ADAMTS14: variants seen among roughly 807,000 people sequenced by gnomAD.
ADAMTS14 encodes ADAM metallopeptidase with thrombospondin type 1 motif 14.
Under a neutral mutation model 128.6 loss-of-function variants are expected in ADAMTS14, and 100 were observed. The observed-to-expected ratio is 0.78, with a 90% CI of 0.66 to 0.92. The LOEUF (loss-of-function observed/expected upper bound fraction) is 0.92, where lower values mean the gene tolerates loss of function less well. ADAMTS14 is among the 40% of genes least tolerant of loss of function. ADAMTS14 has a pLI of 0.00. For synonymous variants in ADAMTS14, 665 were observed against 653.8 expected (o/e 1.02, Z -0.26); for missense variants, 1,562 against 1,658.6 (o/e 0.94, Z 1.01).
intron 12 of ADAMTS14, 128 bp from the exon 13 acceptor site, chr10:70,743,420 C>A: frequency 8.6e-7 from 1 of 1,160,148 alleles, no homozygotes. Flanking sequence ...GCCCCCGTGC[C>A]ACACCCAGTG....
chr10:70,724,561 G>A (rs549775698), intron 4 of ADAMTS14, among the ~76,000 whole-genome samples: 4 of 152,306 alleles, frequency 2.6e-5, no homozygotes, highest in Admixed American at 2.6e-4. Flanking sequence ...TGAGGTCCTG[G>A]CCATGGTGCC....
intron 3 of ADAMTS14, among the ~76,000 whole-genome samples, chr10:70,703,951 G>C (rs1015042211): frequency 6.6e-6 from 1 of 152,236 alleles, no homozygotes; most frequent in African/African-American, 2.4e-5. Context: ...TGTACTTTTA[G>C]TTGAAGGCCA....
chr10:70,680,130 G>A (rs113338069), intron 2 of ADAMTS14, among the ~76,000 whole-genome samples: 27,599 of 152,186 alleles, frequency 0.18, 2,897 homozygotes, highest in Middle Eastern at 0.24. Flanking sequence ...GGCTGGGCGC[G>A]GTGGCTCATG....
chr10:70,680,191 G>T (rs12253621), intron 2 of ADAMTS14, among the ~76,000 whole-genome samples: 1 of 151,882 alleles, frequency 6.6e-6, no homozygotes. Flanking sequence ...CACCTGAGGT[G>T]GGGAGTTTGA....
At chr10:70,716,788 A>T (rs1394256913) in intron 4 of ADAMTS14, among the ~76,000 whole-genome samples, 1 of 151,930 alleles carries the variant, frequency 6.6e-6, no homozygotes, top group Non-Finnish European at 1.5e-5. Context: ...CCCAGGGAGG[A>T]GGGGGCAGAA....
chr10:70,682,283 G>A (rs1839834665), intron 2 of ADAMTS14, among the ~76,000 whole-genome samples: 1 of 152,228 alleles, frequency 6.6e-6, no homozygotes, highest in Non-Finnish European at 1.5e-5. Context: ...GCCCACTCCA[G>A]TGTCACTCTG....
At chr10:70,678,195 T>C (rs1226299345) in intron 2 of ADAMTS14, among the ~76,000 whole-genome samples, 1 of 152,222 alleles carries the variant, frequency 6.6e-6, no homozygotes, top group Non-Finnish European at 1.5e-5. Flanking sequence ...CTTCCATTAG[T>C]ACAGGACTTT....
rs1468287867 is a variant in ADAMTS14, at chr10:70,689,089, C to G, written c.523-13223C>G. Among the ~76,000 whole-genome samples, 35 of 120,894 alleles carry G rather than the reference C, an allele frequency of 2.9e-4. 2 individuals carry two copies. The highest frequency in any genetic ancestry group is 9.2e-4 in the African/African-American group (35 of 37,846). 79.3% of individuals were successfully genotyped at this position (120,894 alleles called of 152,430 possible). ...CCTGAAGAGGCCTGTGTTCCACAGC[C>G]TGGCCGACTGCTGGCCTGGGTGCAT... is the stretch of plus-strand genomic sequence containing the variant. On this transcript the variant is annotated intron_variant, in intron 2 of 21. Coordinates refer to ENST00000373207, the MANE Select transcript of ADAMTS14 (RefSeq NM_080722.4).
chr10:70,739,418 C>G (rs1268400552), intron 11 of ADAMTS14, among the ~76,000 whole-genome samples: 1 of 152,056 alleles, frequency 6.6e-6, no homozygotes, highest in East Asian at 1.9e-4. Context: ...TTAACTCTTT[C>G]TAACATCAAA....
chr10:70,731,056 T>G (rs1268781132), intron 6 of ADAMTS14, among the ~76,000 whole-genome samples: 1 of 97,584 alleles, frequency 1.0e-5, no homozygotes, highest in East Asian at 3.3e-4. Flanking sequence ...CAAATGTGGT[T>G]TTACACACCA....
intron 4 of ADAMTS14, among the ~76,000 whole-genome samples, chr10:70,718,945 C>T (rs1841158365): frequency 2.6e-5 from 4 of 151,982 alleles, no homozygotes; most frequent in Admixed American, 2.6e-4. Flanking sequence ...ATCCTCCTGC[C>T]TTGGCCCCCC....
At chr10:70,738,540 C>A (rs76124447) in intron 10 of ADAMTS14, among the ~76,000 whole-genome samples, 2 of 152,274 alleles carry the variant, frequency 1.3e-5, no homozygotes, top group African/African-American at 4.8e-5. Context: ...TTATTACTCC[C>A]GGGTGTGCCG....
At chr10:70,674,480 G>T in intron 1 of ADAMTS14, 76 bp from the exon 2 acceptor site, 1 of 1,462,320 alleles carries the variant, frequency 6.8e-7, no homozygotes, top group Non-Finnish European at 9.3e-7. Flanking sequence ...ATCCCTCCCT[G>T]CCCGCGTGGG....
chr10:70,719,367 TACACACACAC>T (rs61607600), intron 4 of ADAMTS14, among the ~76,000 whole-genome samples: 4,209 of 142,166 alleles, frequency 0.03, 89 homozygotes, highest in African/African-American at 0.042. Flanking sequence ...ACTCCACAAA[TACACACACAC>T]ACACACACAC....
At chr10:70,725,977 G>C (rs1218722398) in intron 4 of ADAMTS14, among the ~76,000 whole-genome samples, 1 of 152,126 alleles carries the variant, frequency 6.6e-6, no homozygotes, top group Non-Finnish European at 1.5e-5. Flanking sequence ...TGGGTGGTGG[G>C]GGTGGGGGCC....
rs1842614325 is a variant in ADAMTS14, at chr10:70,761,569, G to A, written c.*716G>A. ...TTCTAGTGACTCCAGATTACAGACT[G>A]GCCCCCCAATCTCACCCCAGCCCAC... On this transcript the variant is annotated 3_prime_UTR_variant, in exon 22 of 22. Transcript: ENST00000373207. The A allele has an allele frequency of 6.6e-6, 1 of 152,174 alleles. No homozygotes were observed. Among genetic ancestry groups the A allele is most frequent in the Non-Finnish European group, 1.5e-5 (1 of 68,076 alleles). 9.4% of individuals were successfully genotyped at this position (152,174 alleles called of 1,614,324 possible).
intron 16 of ADAMTS14, 124 bp downstream of exon 16, chr10:70,750,109 G>T: frequency 6.3e-6 from 8 of 1,278,110 alleles, no homozygotes; most frequent in Non-Finnish European, 8.5e-6. Flanking sequence ...CAAGGGCAAG[G>T]CACCTTCCAT....
chr10:70,726,072 T>C (rs1841417305), intron 4 of ADAMTS14, among the ~76,000 whole-genome samples: 1 of 152,236 alleles, frequency 6.6e-6, no homozygotes, highest in Admixed American at 6.5e-5. Context: ...GGGCTGTCCC[T>C]TTCTGTTTAC....
chr10:70,736,658 A>G, intron 9 of ADAMTS14, 22 bp from the exon 10 acceptor site: 2 of 1,607,360 alleles, frequency 1.2e-6, no homozygotes, highest in Non-Finnish European at 1.7e-6. Flanking sequence ...CAGTCTGGTG[A>G]CCCCATTCCC....
Sources: gnomAD v4.1 joint callset for allele counts (sites outside exome capture counted in the v4.1 genomes callset) on GRCh38, gnomAD v4.1.1 for gene constraint, MANE v1.5 for transcripts, NCBI Gene and HGNC (gene_info 2026-07-23, HGNC 2026-07-21) for gene names.